Variants in ELL observed in about 807,000 individuals in gnomAD.
The protein encoded by ELL is RNA polymerase II elongation factor ELL.
ELL carries 18 observed loss-of-function variants against 64.0 expected under a neutral mutation model. That is an observed-to-expected ratio of 0.28 (90% CI 0.19 to 0.42). The LOEUF is 0.42. Among genes scored for constraint, ELL ranks in the 10% least tolerant of loss-of-function variants. The pLI is 1.00. For synonymous variants in ELL, 399 were observed against 376.2 expected (o/e 1.06, Z -0.70); for missense variants, 797 against 870.4 (o/e 0.92, Z 1.06).
rs901209887 is a variant in ELL, at chr19:18,485,725, C to G, written c.136-12843G>C. On this transcript the variant is annotated intron_variant, in intron 1 of 11. Coordinates refer to ENST00000262809, the MANE Select transcript of ELL (RefSeq NM_006532.4). Reference sequence around the variant, plus strand: ...GGGATGGGCCGGGCGCGGTGGCTCACACCTGTAATCCCAGCACTTTGAGAG... The same window carrying G: ...GGGATGGGCCGGGCGCGGTGGCTCAGACCTGTAATCCCAGCACTTTGAGAG... Among the ~76,000 whole-genome samples the G allele has an allele frequency of 1.5e-3, 222 of 152,172 alleles. 2 individuals carry two copies. The highest frequency in any genetic ancestry group is 0.014 in the Admixed American group (220 of 15,284).
At chr19:18,517,373 C>G (rs576363753) in intron 1 of ELL, among the ~76,000 whole-genome samples, 1 of 152,266 alleles carries the variant, frequency 6.6e-6, no homozygotes, top group East Asian at 1.9e-4. Context: ...CTCAGCCTCC[C>G]AAGTAGCTGG....
intron 6 of ELL, among the ~76,000 whole-genome samples, chr19:18,454,520 A>G (rs1974612866): frequency 6.6e-6 from 1 of 150,772 alleles, no homozygotes; most frequent in African/African-American, 2.4e-5. Context: ...GAAATAAATA[A>G]AATAAACATC....
chr19:18,502,637 G>A (rs1175597352), intron 1 of ELL, among the ~76,000 whole-genome samples: 5 of 152,208 alleles, frequency 3.3e-5, no homozygotes, highest in Admixed American at 2.0e-4. Flanking sequence ...TGAAGAAGCC[G>A]AGGAGGAAGA....
chr19:18,464,033 T>C lies in ELL; in HGVS notation c.469+1379A>G, dbSNP rs370497223. 8.5e-4 allele frequency among the ~76,000 whole-genome samples: 128 copies of C among 150,508 alleles called. 1 individual carries two copies. Among genetic ancestry groups the C allele is most frequent in the Middle Eastern group, 7.0e-3 (2 of 286 alleles). ...ACCCAAAGTGGTGTGCTAAGATACATTTCTGATCAAGTTTTTGGCTGAAGG... is the reference window on the plus strand; with the variant it reads ...ACCCAAAGTGGTGTGCTAAGATACACTTCTGATCAAGTTTTTGGCTGAAGG... On this transcript the variant is annotated intron_variant, in intron 4 of 11. Transcript: ENST00000262809.
In ELL at chr19:18,465,560, G is replaced by A. The variant is rs769648488; in HGVS notation, c.321C>T (p.His107=). The A allele has an allele frequency of 1.9e-6, 3 of 1,597,682 alleles. No individual in the cohort carries two copies. In the Admixed American group the frequency reaches 5.1e-5, roughly 27 times the overall value. ...CCTGTATGCTGCCCAGGCAGTCCAG[G>A]TGAACTTCCCCATGACTGCAAGACA... ...QQYVSSHGEV[H]LDCLGSIQDK... is the part of the protein sequence containing the mutation. The change falls in exon 4 of 12, where the codon CAC becomes CAT. Residue 107 remains histidine (H), a synonymous_variant. Transcript: ENST00000262809.
chr19:18,457,376 C>T (rs1328544532), intron 6 of ELL, among the ~76,000 whole-genome samples: 3 of 152,164 alleles, frequency 2.0e-5, no homozygotes, highest in Non-Finnish European at 4.4e-5. Context: ...AAGACTGTGC[C>T]CTCCGCCAGC....
chr19:18,481,163 C>G (rs1975292140), intron 1 of ELL, among the ~76,000 whole-genome samples: 1 of 152,182 alleles, frequency 6.6e-6, no homozygotes, highest in African/African-American at 2.4e-5. Flanking sequence ...GCACCCTCAG[C>G]AATCCTGGAT....
At position 18,511,272 on chromosome 19, in the gene ELL, A is replaced by G. The variant is rs540240717; in HGVS notation, c.135+10649T>C. Among the ~76,000 whole-genome samples, 222 of 149,736 alleles carry G rather than the reference A, an allele frequency of 1.5e-3. 2 individuals carry two copies. The highest frequency in any genetic ancestry group is 2.1e-3 in the Non-Finnish European group (144 of 67,408). ...ACAGAGCGAAACTCCGTCTCAAAAA[A>G]AAAAAAAATTAACTTGGCGTGGTGG... On this transcript the variant is annotated intron_variant, in intron 1 of 11. Transcript: ENST00000262809.
At chr19:18,462,383 G>A (rs1473715524) in intron 4 of ELL, among the ~76,000 whole-genome samples, 5 of 82,822 alleles carry the variant, frequency 6.0e-5, no homozygotes, top group Admixed American at 1.3e-4. Context: ...GGGGCGGGGG[G>A]GGAAGGATTG....
Position 18,461,625 on chromosome 19 carries a change from C to T in ELL, c.697G>A (p.Gly233Ser), listed in dbSNP as rs1281199915. ...GCGTCCTTGTCCGCCTGCGTCAGGC[C>T]GTCCTTCTGCAGTCGCAGCAGCAGC... ...AELLLRLQKDGLTQADKDALD... is the reference protein window; with the variant it reads ...AELLLRLQKDSLTQADKDALD... The change falls in exon 5 of 12, where the codon GGC becomes AGC. Residue 233 changes from glycine to serine, a missense_variant. By Grantham distance (56) the Gly-to-Ser change is moderately conservative (BLOSUM62 0). Transcript: ENST00000262809. The T allele has an allele frequency of 3.1e-6, 5 of 1,609,908 alleles. No individual in the cohort carries two copies. The highest frequency in any genetic ancestry group is 2.2e-5 in the East Asian group (1 of 44,880).
At position 18,511,266 on chromosome 19, in the gene ELL, C is replaced by CA. The variant is rs113597097; in HGVS notation, c.135+10654dup. Among the ~76,000 whole-genome samples, 638 of 113,922 alleles carry CA rather than the reference C, an allele frequency of 5.6e-3. 10 individuals carry two copies. The East Asian group carries it at 0.068, about 12-fold the overall frequency. The allele number at this position is 113,922 out of a possible 152,430, so 74.7% of individuals were successfully genotyped here. A position where few individuals can be genotyped will look rare whatever the true frequency, so the allele number is the denominator to read the frequency against. Reference sequence around the variant, plus strand: ...TGGGTGACAGAGCGAAACTCCGTCTCAAAAAAAAAAAAAATTAACTTGGCG... The same window carrying CA: ...TGGGTGACAGAGCGAAACTCCGTCTCAAAAAAAAAAAAAAATTAACTTGGCG... On this transcript the variant is annotated intron_variant, in intron 1 of 11. Coordinates refer to ENST00000262809, the MANE Select transcript of ELL (RefSeq NM_006532.4).
At chr19:18,510,727 C>T (rs1976000984) in intron 1 of ELL, among the ~76,000 whole-genome samples, 2 of 152,186 alleles carry the variant, frequency 1.3e-5, no homozygotes, top group African/African-American at 2.4e-5. Flanking sequence ...CGGGCAAGGA[C>T]GTGGCGAAAC....
Position 18,450,679 on chromosome 19 carries a change from G to A in ELL, c.1263C>T (p.Pro421=), listed in dbSNP as rs552804584. ...CEHGEAAAPA[P]TVRLGLPLLT... is the part of the protein sequence containing the mutation. ...GCAGGGGCAGGCCGAGGCGCACAGTGGGGGCTGGGGCAGCCGCCTCTCCGT... is the reference window on the plus strand; with the variant it reads ...GCAGGGGCAGGCCGAGGCGCACAGTAGGGGCTGGGGCAGCCGCCTCTCCGT... Residue 421 remains proline (P), a synonymous_variant, in exon 8 of 12, where the codon CCC becomes CCT. Transcript: ENST00000262809. 37 of 1,586,584 alleles carry A rather than the reference G, an allele frequency of 2.3e-5. No individual in the cohort carries two copies. The East Asian group carries it at 6.9e-4, about 30-fold the overall frequency.
intron 1 of ELL, among the ~76,000 whole-genome samples, chr19:18,484,731 AAG>A (rs535431752): frequency 6.6e-6 from 1 of 152,204 alleles, no homozygotes; most frequent in South Asian, 2.1e-4. Flanking sequence ...TGTGCTCCTC[AAG>A]AGGAGTGCAA....
At chr19:18,451,172 G>C (rs927690028) in intron 7 of ELL, among the ~76,000 whole-genome samples, 197 bp from the exon 8 acceptor site, 1 of 152,212 alleles carries the variant, frequency 6.6e-6, no homozygotes, top group African/African-American at 2.4e-5. Context: ...TGCTGGGATC[G>C]ATGCAGGGGG....
chr19:18,496,594 G>C (rs1285442427), intron 1 of ELL, among the ~76,000 whole-genome samples: 5 of 152,202 alleles, frequency 3.3e-5, no homozygotes, highest in Non-Finnish European at 7.3e-5. Context: ...ATGGGTTGGA[G>C]GCGTGGAGTA....
chr19:18,484,671 C>T (rs763325033), intron 1 of ELL, among the ~76,000 whole-genome samples: 5 of 152,200 alleles, frequency 3.3e-5, no homozygotes, highest in Admixed American at 2.0e-4. Context: ...ATAACAAAAC[C>T]GGCAAGGAAG....
At chr19:18,502,461 C>T (rs1034730524) in intron 1 of ELL, among the ~76,000 whole-genome samples, 8 of 152,286 alleles carry the variant, frequency 5.3e-5, no homozygotes, top group African/African-American at 1.7e-4. Flanking sequence ...AGTGAGCTCA[C>T]CTTAGTCAAT....
intron 2 of ELL, among the ~76,000 whole-genome samples, chr19:18,471,910 C>T (rs1975072033): frequency 6.6e-6 from 1 of 152,158 alleles, no homozygotes; most frequent in African/African-American, 2.4e-5. Flanking sequence ...CCTAATGCAG[C>T]AGTCCCCTAC....
Sources: gnomAD v4.1 joint callset for allele counts (sites outside exome capture counted in the v4.1 genomes callset) on GRCh38, gnomAD v4.1.1 for gene constraint, MANE v1.5 for transcripts, NCBI Gene and HGNC (gene_info 2026-07-23, HGNC 2026-07-21) for gene names.